ERG: variants seen among roughly 807,000 people sequenced by gnomAD.
ERG encodes the protein ETS transcription factor ERG, also known as transcriptional regulator ERG.
Under a neutral mutation model 55.3 loss-of-function variants are expected in ERG, and 9 were observed. The observed-to-expected ratio is 0.16, with a 90% CI of 0.10 to 0.28. The LOEUF is 0.28. Ranked by LOEUF, ERG falls within the 10% of genes least tolerant of loss-of-function variation. ERG has a pLI of 1.00. For synonymous variants in ERG, 223 were observed against 237.3 expected, an observed-to-expected ratio of 0.94 and a Z score of 0.55; for missense variants, 434 against 631.6, an observed-to-expected ratio of 0.69 and a Z score of 3.35.
At chr21:38,416,567 G>A (rs1239815700) in intron 3 of ERG, among the ~76,000 whole-genome samples, 1 of 152,180 alleles carries the variant, frequency 6.6e-6, no homozygotes, top group Non-Finnish European at 1.5e-5. Context: ...CCTTAGCACT[G>A]ATTCCTAATT....
In ERG at chr21:38,380,301, C is replaced by G. The variant is rs770727998; in HGVS notation, c.*3102G>C. The G allele has an allele frequency of 5.2e-5, 55 of 1,055,202 alleles. No individual in the cohort carries two copies. The highest frequency in any genetic ancestry group is 6.1e-5 in the Non-Finnish European group (53 of 873,064). 65.4% of individuals were successfully genotyped at this position (1,055,202 alleles called of 1,614,324 possible). ...GGCTCCTGCTCCTGGGTTGCAGGTG[C>G]CACATCTGTGCAGAAGGCTTAGGAG... is the stretch of plus-strand genomic sequence containing the variant. On this transcript the variant is annotated 3_prime_UTR_variant, in exon 10 of 10. Coordinates refer to ENST00000288319, the MANE Select transcript of ERG (RefSeq NM_182918.4).
Position 38,381,636 on chromosome 21 carries a change from G to C in ERG, c.*1767C>G, listed in dbSNP as rs958452483. ...CCAGTAATAATACAGTTTGCCTTAC[G>C]AGTGGTAGCTTGTTCACTGTTCAAC... On this transcript the variant is annotated 3_prime_UTR_variant, in exon 10 of 10. Transcript: ENST00000288319. The C allele has an allele frequency of 2.3e-5, 24 of 1,063,294 alleles. No individual in the cohort carries two copies. Among genetic ancestry groups the C allele is most frequent in the Non-Finnish European group, 2.6e-5 (23 of 878,060 alleles). The allele number at this position is 1,063,294 out of a possible 1,614,324, so 65.9% of individuals were successfully genotyped here. A position where few individuals can be genotyped will look rare whatever the true frequency, so the allele number is the denominator to read the frequency against.
intron 2 of ERG, among the ~76,000 whole-genome samples, chr21:38,436,617 A>G (rs2058792682): frequency 1.3e-5 from 2 of 152,216 alleles, no homozygotes; most frequent in Admixed American, 1.3e-4. Context: ...GTAAATGTGA[A>G]TAATCATAAT....
chr21:38,521,450 C>T (rs771512971), intron 2 of ERG, among the ~76,000 whole-genome samples: 1 of 152,076 alleles, frequency 6.6e-6, no homozygotes. Flanking sequence ...TGTGACGCCA[C>T]CTCCAAAAAA....
chr21:38,381,780 G>A lies in ERG; in HGVS notation c.*1623C>T, dbSNP rs1422367225. 1 of 1,063,446 alleles carries A rather than the reference G, an allele frequency of 9.4e-7. No individual in the cohort carries two copies. The highest frequency in any genetic ancestry group is 1.1e-6 in the Non-Finnish European group (1 of 878,270). The allele number at this position is 1,063,446 out of a possible 1,614,324, so 65.9% of individuals were successfully genotyped here. A position where few individuals can be genotyped will look rare whatever the true frequency, so the allele number is the denominator to read the frequency against. On this transcript the variant is annotated 3_prime_UTR_variant, in exon 10 of 10. Coordinates refer to ENST00000288319, the MANE Select transcript of ERG (RefSeq NM_182918.4). ...TTTCCATTCCAGGCATAAATATGGA[G>A]GCTCCAATGTGAAACCCGGGGTCCT...
intron 2 of ERG, among the ~76,000 whole-genome samples, chr21:38,428,331 A>T (rs1173090660): frequency 6.6e-6 from 1 of 152,280 alleles, no homozygotes; most frequent in East Asian, 1.9e-4. Flanking sequence ...TGTCTTGATT[A>T]CTCCACTGCA....
chr21:38,520,187 AAC>A (rs2059584053), intron 2 of ERG, among the ~76,000 whole-genome samples: 1 of 152,184 alleles, frequency 6.6e-6, no homozygotes, highest in Non-Finnish European at 1.5e-5. Context: ...GCAAGGAAGG[AAC>A]ACAGAGCTTA....
intron 3 of ERG, among the ~76,000 whole-genome samples, chr21:38,411,801 C>A (rs1396649611): frequency 6.6e-6 from 1 of 152,136 alleles, no homozygotes; most frequent in Non-Finnish European, 1.5e-5. Flanking sequence ...CTGAGAAATG[C>A]AAATTAAAAT....
chr21:38,462,609 T>C (rs145604268), intron 1 of ERG, among the ~76,000 whole-genome samples: 1 of 152,290 alleles, frequency 6.6e-6, no homozygotes, highest in East Asian at 1.9e-4. Flanking sequence ...AGAGAGTCCT[T>C]AGGAAAATAA....
At chr21:38,572,537 C>T (rs974491922) in intron 2 of ERG, among the ~76,000 whole-genome samples, 1 of 152,090 alleles carries the variant, frequency 6.6e-6, no homozygotes, top group Non-Finnish European at 1.5e-5. Flanking sequence ...TTGTCAAGAA[C>T]CCCAATTTCA....
chr21:38,572,614 T>G (rs984646785), intron 2 of ERG, among the ~76,000 whole-genome samples: 10 of 152,186 alleles, frequency 6.6e-5, no homozygotes, highest in Non-Finnish European at 1.3e-4. Flanking sequence ...GATAGGTTTA[T>G]AAAGGAAATA....
In ERG at chr21:38,380,067, CTAAT is replaced by C; in HGVS notation, c.*3332_*3335del. The stretch of plus-strand genomic sequence containing the variant: ...AGTAGTCCAAAGTAATTTTTATTCT[CTAAT>C]TAGTCACCTCACGACTTTATTTGAA... On this transcript the variant is annotated 3_prime_UTR_variant, in exon 10 of 10. Coordinates refer to ENST00000288319, the MANE Select transcript of ERG (RefSeq NM_182918.4). The C allele has an allele frequency of 5.9e-6, 6 of 1,016,522 alleles. No individual in the cohort carries two copies. The highest frequency in any genetic ancestry group is 7.1e-6 in the Non-Finnish European group (6 of 847,964). 63.0% of individuals were successfully genotyped at this position (1,016,522 alleles called of 1,614,324 possible).
chr21:38,513,239 A>G (rs1269526634), intron 2 of ERG, among the ~76,000 whole-genome samples: 5 of 152,176 alleles, frequency 3.3e-5, no homozygotes, highest in Non-Finnish European at 7.3e-5. Flanking sequence ...AAGAGTATTT[A>G]TTGAGCATCG....
At chr21:38,472,799 C>G (rs146646936) in intron 1 of ERG, among the ~76,000 whole-genome samples, 2 of 152,228 alleles carry the variant, frequency 1.3e-5, no homozygotes, top group African/African-American at 2.4e-5. Context: ...AATGGCTGCA[C>G]GTGGGCAATT....
At position 38,445,381 on chromosome 21, in the gene ERG, G is replaced by T. The variant is rs766989188; in HGVS notation, c.236+23C>A. ...ATAGGAAAATGGGAGGTCAGGGAGA[G>T]AAAGGGGCGGAAGTCTCCTTACCTT... is the stretch of plus-strand genomic sequence containing the variant. On this transcript the variant is annotated intron_variant, in intron 2 of 9. Coordinates refer to ENST00000288319, the MANE Select transcript of ERG (RefSeq NM_182918.4). 3.8e-6 allele frequency: 6 copies of T among 1,585,306 alleles called. No individual in the cohort carries two copies. In the Middle Eastern group the frequency reaches 8.6e-4, roughly 227 times the overall value.
At chr21:38,479,789 T>A (rs1407744137) in intron 1 of ERG, among the ~76,000 whole-genome samples, 1 of 152,212 alleles carries the variant, frequency 6.6e-6, no homozygotes, top group Non-Finnish European at 1.5e-5. Context: ...GTTTTGCAGT[T>A]TGAGGTGCAA....
Position 38,573,381 on chromosome 21 carries a change from T to C in ERG, c.-41+2281A>G, listed in dbSNP as rs201638944. Among the ~76,000 whole-genome samples the C allele has an allele frequency of 5.7e-4, 87 of 152,176 alleles. 1 individual carries two copies. The highest frequency in any genetic ancestry group is 1.8e-3 in the African/African-American group (75 of 41,458). ...GATAGAGGAAGGCCACTGTCTCCTG[T>C]CTGCCCCTGGGAACTGAATGTCTCA... On this transcript the variant is annotated intron_variant, in intron 2 of 8. Coordinates refer to the ERG transcript ENST00000398897.
chr21:38,525,968 A>G (rs2059627604), intron 2 of ERG, among the ~76,000 whole-genome samples: 1 of 152,208 alleles, frequency 6.6e-6, no homozygotes, highest in African/African-American at 2.4e-5. Flanking sequence ...AAAAATAATA[A>G]TAATACTTTT....
intron 2 of ERG, among the ~76,000 whole-genome samples, chr21:38,432,151 G>C (rs185727808): frequency 6.6e-6 from 1 of 152,304 alleles, no homozygotes; most frequent in Non-Finnish European, 1.5e-5. Flanking sequence ...CTGGAGTACA[G>C]AGGTATGATT....
Sources: allele counts gnomAD v4.1 joint callset (sites outside exome capture counted in the v4.1 genomes callset), GRCh38; gene constraint gnomAD v4.1.1; transcripts MANE v1.5; gene names NCBI Gene and HGNC (gene_info 2026-07-23, HGNC 2026-07-21).